The following PTPRN2 variants were observed in gnomAD, a reference collection of about 807,000 sequenced individuals.
PTPRN2 encodes the protein protein tyrosine phosphatase receptor type N2.
A neutral mutation model predicts 118.8 loss-of-function variants in PTPRN2; 74 were observed. That is an observed-to-expected ratio of 0.62 (90% confidence interval 0.52 to 0.76). The LOEUF is 0.76. Among genes scored for constraint, PTPRN2 ranks in the 30% least tolerant of loss-of-function variants. The probability of loss-of-function intolerance (pLI) is 0.00; values close to 1 mark genes in which losing one functional copy is unlikely to be tolerated. For missense variants in PTPRN2, 1,481 were observed against 1,394.4 expected (o/e 1.06, Z -0.99); for synonymous variants, 641 against 608.0 (o/e 1.05, Z -0.80).
intron 1 of PTPRN2, among the ~76,000 whole-genome samples, chr7:158,506,699 G>A (rs1438628638): frequency 2.0e-5 from 3 of 151,816 alleles, no homozygotes; most frequent in Admixed American, 6.6e-5. Flanking sequence ...GAAGGGCCCC[G>A]ATCCTCCCCC....
At chr7:158,327,614 C>T (rs1250896144) in intron 2 of PTPRN2, among the ~76,000 whole-genome samples, 1 of 152,242 alleles carries the variant, frequency 6.6e-6, no homozygotes, top group Non-Finnish European at 1.5e-5. Flanking sequence ...CTCAGAATAG[C>T]AGAAGGAGCC....
chr7:157,552,358 G>A (rs1224617797), intron 21 of PTPRN2, among the ~76,000 whole-genome samples: 10 of 152,086 alleles, frequency 6.6e-5, no homozygotes, highest in Non-Finnish European at 1.2e-4. Flanking sequence ...GGAAGTCATC[G>A]TGCAAAGCGG....
At chr7:158,335,029 G>A (rs1586333756) in intron 2 of PTPRN2, among the ~76,000 whole-genome samples, 1 of 10,396 alleles carries the variant, frequency 9.6e-5, no homozygotes, top group Non-Finnish European at 3.1e-4. Context: ...GCTGACACCC[G>A]CAGACGTCAC....
intron 3 of PTPRN2, among the ~76,000 whole-genome samples, chr7:158,263,586 G>A (rs925116509): frequency 1.3e-5 from 2 of 152,206 alleles, no homozygotes; most frequent in Admixed American, 6.5e-5. Context: ...ATTTCCCATC[G>A]CTCTGCCACA....
intron 1 of PTPRN2, among the ~76,000 whole-genome samples, chr7:158,490,649 G>A (rs1431701594): frequency 6.6e-6 from 1 of 152,236 alleles, no homozygotes; most frequent in Non-Finnish European, 1.5e-5. Flanking sequence ...CCACTAGGCG[G>A]GAGTCGCACC....
intron 10 of PTPRN2, among the ~76,000 whole-genome samples, chr7:158,086,001 G>A (rs971137812): frequency 2.0e-5 from 3 of 152,200 alleles, no homozygotes; most frequent in African/African-American, 7.2e-5. Flanking sequence ...TTCTCCGTCA[G>A]GCACATTGTA....
intron 5 of PTPRN2, among the ~76,000 whole-genome samples, chr7:158,177,018 GGGT>G (rs1824267479): frequency 6.6e-6 from 1 of 152,196 alleles, no homozygotes; most frequent in South Asian, 2.1e-4. Context: ...GACCACATCT[GGGT>G]GGTGACAGTT....
chr7:158,407,683 G>C lies in PTPRN2; in HGVS notation c.163+82052C>G, dbSNP rs1373771008. The stretch of plus-strand genomic sequence containing the variant: ...CCTGCGTCCTGCGTCCTGGGTCCTG[G>C]GTCCTGGGTCCTGCGTCCTGCATCC... On this transcript the variant is annotated intron_variant, in intron 2 of 22. Transcript: ENST00000389418. Among the ~76,000 whole-genome samples, 51 of 130,016 alleles carry C rather than the reference G, an allele frequency of 3.9e-4. 4 individuals are homozygous for C. The highest frequency in any genetic ancestry group is 5.1e-4 in the African/African-American group (18 of 35,108). The allele number at this position is 130,016 out of a possible 152,430, so 85.3% of individuals were successfully genotyped here.
chr7:158,081,251 TGCACACACGTGTGTGTGC>T lies in PTPRN2; in HGVS notation c.1723+29_1723+46del, dbSNP rs538582149. 5.0e-3 allele frequency: 7,187 copies of T among 1,447,000 alleles called. 35 individuals carry two copies. Among genetic ancestry groups the T allele is most frequent in the Middle Eastern group, 0.014 (75 of 5,392 alleles). The allele number at this position is 1,447,000 out of a possible 1,614,324, so 89.6% of individuals were successfully genotyped here. A position where few individuals can be genotyped will look rare whatever the true frequency, so the allele number is the denominator to read the frequency against. The stretch of plus-strand genomic sequence containing the variant: ...GTGCGTGTTTGCGTGCGTGTGTGTG[TGCACACACGTGTGTGTGC>T]GTGTACGTGTGTGTGGAAACAGCCT... On this transcript the variant is annotated intron_variant, in intron 11 of 22. Coordinates refer to ENST00000389418, the MANE Select transcript of PTPRN2 (RefSeq NM_002847.5).
chr7:157,981,980 G>A (rs1003647109), intron 11 of PTPRN2, among the ~76,000 whole-genome samples: 13 of 135,168 alleles, frequency 9.6e-5, no homozygotes, highest in Middle Eastern at 4.4e-3. Flanking sequence ...GCAGGGTACC[G>A]CCCAGAACCC....
At chr7:158,285,983 G>A (rs1203152160) in intron 3 of PTPRN2, among the ~76,000 whole-genome samples, 1 of 152,158 alleles carries the variant, frequency 6.6e-6, no homozygotes, top group Non-Finnish European at 1.5e-5. Context: ...CTGGTGTTGG[G>A]ATTAACAAGC....
At chr7:157,725,365 G>A (rs56238137) in intron 12 of PTPRN2, among the ~76,000 whole-genome samples, 1,014 of 16,250 alleles carry the variant, frequency 0.062, 268 homozygotes, top group East Asian at 0.26. Context: ...AGAGGAGTGT[G>A]GCCAGACCCT....
chr7:157,986,708 A>C lies in PTPRN2; in HGVS notation c.1724-87971T>G, dbSNP rs74520790. On this transcript the variant is annotated intron_variant, in intron 11 of 22. Transcript: ENST00000389418. This position sits in a 1 kb window ranked among gnomAD's most constrained non-coding sequence, Gnocchi z 4.5. ...CTAAATTAGAAATAATGAAGGCTTCACTCTTCCACGGGGTTCTGCCCTTGG... is the reference window on the plus strand; with the variant it reads ...CTAAATTAGAAATAATGAAGGCTTCCCTCTTCCACGGGGTTCTGCCCTTGG... Among the ~76,000 whole-genome samples, 9,561 of 152,024 alleles carry C rather than the reference A, an allele frequency of 0.063. 408 individuals carry two copies. The highest frequency in any genetic ancestry group is 0.18 in the South Asian group (873 of 4,810).
rs573593282 is a variant in PTPRN2 at position 157,621,152 on chromosome 7, G to A, written c.2344+210C>T. Reference sequence around the variant, plus strand: ...CCTGTAACCCAGTCCTCCCGCCCCCGGTGCTGGTATGTACAGGTCAGCACG... The same window carrying A: ...CCTGTAACCCAGTCCTCCCGCCCCCAGTGCTGGTATGTACAGGTCAGCACG... On this transcript the variant is annotated intron_variant, in intron 15 of 22. Coordinates refer to ENST00000389418, the MANE Select transcript of PTPRN2 (RefSeq NM_002847.5). Among the ~76,000 whole-genome samples, 22 of 148,070 alleles carry A rather than the reference G, an allele frequency of 1.5e-4. 1 individual carries two copies. The East Asian group carries it at 1.6e-3, about 11-fold the overall frequency.
intron 3 of PTPRN2, among the ~76,000 whole-genome samples, chr7:158,269,108 G>C (rs1487478377): frequency 6.6e-6 from 1 of 152,204 alleles, no homozygotes; most frequent in Non-Finnish European, 1.5e-5. Context: ...AGGCCCCTCA[G>C]GAGTCGCCAC....
chr7:157,603,067 C>T lies in PTPRN2; in HGVS notation c.2418+935G>A, dbSNP rs887136689. ...GTGTCCGCCATAAATCTGCATGGAG[C>T]CCCAGCCTCTCCACCACTGGTTTAA... On this transcript the variant is annotated intron_variant, in intron 16 of 22. Coordinates refer to ENST00000389418, the MANE Select transcript of PTPRN2 (RefSeq NM_002847.5). The surrounding 1 kb of genome is among the most constrained non-coding windows in gnomAD (Gnocchi z 5.4). Among the ~76,000 whole-genome samples the T allele has an allele frequency of 7.2e-5, 11 of 152,196 alleles. No individual in the cohort carries two copies. The highest frequency in any genetic ancestry group is 2.2e-4 in the African/African-American group (9 of 41,446).
intron 2 of PTPRN2, among the ~76,000 whole-genome samples, chr7:158,470,915 A>C (rs1670353): frequency 0.69 from 103,952 of 151,456 alleles, 35,962 homozygotes; most frequent in Admixed American, 0.77. Context: ...CTCACTGCAA[A>C]CTCTGCCTCC....
intron 13 of PTPRN2, among the ~76,000 whole-genome samples, chr7:157,667,394 C>T (rs570617393): frequency 1.4e-4 from 22 of 152,004 alleles, no homozygotes; most frequent in Non-Finnish European, 2.4e-4. Flanking sequence ...CTTGCACACT[C>T]GGCCCGTGGG....
chr7:157,724,764 G>A (rs370379317), intron 12 of PTPRN2, among the ~76,000 whole-genome samples: 9 of 152,352 alleles, frequency 5.9e-5, no homozygotes, highest in African/African-American at 2.2e-4. Context: ...TGAGCACTCA[G>A]AGTACAGTTT....
Sources: gnomAD v4.1 joint callset for allele counts (sites outside exome capture counted in the v4.1 genomes callset) on GRCh38, gnomAD v4.1.1 for gene constraint, Gnocchi (gnomAD v3.1) non-coding constraint, MANE v1.5 for transcripts, NCBI Gene and HGNC (gene_info 2026-07-23, HGNC 2026-07-21) for gene names.